The following PDE1B variants were observed in gnomAD, a reference collection of about 807,000 sequenced individuals.
PDE1B encodes phosphodiesterase 1B.
A neutral mutation model predicts 66.7 loss-of-function variants in PDE1B; 13 were observed. The ratio of observed to expected loss-of-function variants is 0.19; its 90% CI spans 0.13 to 0.31. The LOEUF (loss-of-function observed/expected upper bound fraction) is 0.31. PDE1B is among the 10% of genes least tolerant of loss of function. PDE1B has a pLI of 1.00. For synonymous variants in PDE1B, 230 were observed against 253.9 expected (o/e 0.91, Z 0.90); for missense variants, 485 against 682.3 (o/e 0.71, Z 3.22).
rs1392744935 is a variant in PDE1B at position 54,569,219 on chromosome 12, T to A, written c.263T>A (p.Leu88Gln). 1 of 1,611,626 alleles carries A rather than the reference T, an allele frequency of 6.2e-7. No homozygotes were observed. The highest frequency in any genetic ancestry group is 1.1e-5 in the South Asian group (1 of 90,850). ...ILDTEDELQELRSDAVPSEVR... is the reference protein window; with the variant it reads ...ILDTEDELQEQRSDAVPSEVR... ...GACACGGAGGACGAGCTGCAGGAGCTGCGGTCAGATGCCGTGCCTTCGGAG... is the reference window on the plus strand; with the variant it reads ...GACACGGAGGACGAGCTGCAGGAGCAGCGGTCAGATGCCGTGCCTTCGGAG... Residue 88 changes from leucine (L) to glutamine (Q), a missense_variant, in exon 4 of 16, where the codon CTG becomes CAG. Leu to Gln is a moderately radical substitution (Grantham distance 113). This residue lies in a region of PDE1B where 282 missense variants were observed against 453.4 expected (regional missense o/e 0.62). Transcript: ENST00000243052. The surrounding 1 kb of genome is among the most constrained non-coding windows in gnomAD (Gnocchi z 4.4).
rs1445830821 is a variant in PDE1B at position 54,567,074 on chromosome 12, A to G, written c.214A>G (p.Ile72Val). 2 of 1,576,504 alleles carry G rather than the reference A, an allele frequency of 1.3e-6. No individual in the cohort carries two copies. Among genetic ancestry groups the G allele is most frequent in the African/African-American group, 1.3e-5 (1 of 74,218 alleles). ...AGCTTCTCTGCTGGAAGCCGTCTAC[A>G]TAGATGAGACACGGTGAGAGAGACC... ...YTASLLEAVY[I>V]DETRQILDTE... The change falls in exon 3 of 16, where the codon ATA becomes GTA. Residue 72 changes from isoleucine (I) to valine (V), a missense_variant. Ile to Val is a conservative substitution (Grantham distance 29, BLOSUM62 3). Around this residue, in one of 4 missense-constraint regions of PDE1B, gnomAD observed 282 missense variants for 453.4 expected, o/e 0.62. Transcript: ENST00000243052.
chr12:54,573,086 G>T lies in PDE1B; in HGVS notation c.736-62G>T. On this transcript the variant is annotated intron_variant, in intron 7 of 15. Transcript: ENST00000243052. The surrounding 1 kb of genome is among the most constrained non-coding windows in gnomAD (Gnocchi z 5.2). Reference sequence around the variant, plus strand: ...ATGAGTGATCTAGCCTGTGTGTGGAGGTTCCTGGGAAGTGACCAGCAGGCG... The same window carrying T: ...ATGAGTGATCTAGCCTGTGTGTGGATGTTCCTGGGAAGTGACCAGCAGGCG... 8.4e-7 allele frequency: 1 copy of T among 1,195,698 alleles called. No individual in the cohort carries two copies. Among genetic ancestry groups the T allele is most frequent in the South Asian group, 1.2e-5 (1 of 82,036 alleles). 74.1% of individuals were successfully genotyped at this position (1,195,698 alleles called of 1,614,324 possible). A position where few individuals can be genotyped will look rare whatever the true frequency, so the allele number is the denominator to read the frequency against.
Position 54,573,289 on chromosome 12 carries a change from G to A in PDE1B, c.836+41G>A, listed in dbSNP as rs199755196. 6.6e-5 allele frequency: 107 copies of A among 1,613,122 alleles called. No individual in the cohort carries two copies. In the East Asian group the frequency reaches 1.9e-3, roughly 29 times the overall value. On this transcript the variant is annotated intron_variant, in intron 8 of 15. Coordinates refer to ENST00000243052, the MANE Select transcript of PDE1B (RefSeq NM_000924.4). The surrounding 1 kb of genome is among the most constrained non-coding windows in gnomAD (Gnocchi z 5.2). The stretch of plus-strand genomic sequence containing the variant: ...GTGGCAGGGGCAGGAGGGGCCAAGA[G>A]GAGGTGGGGAGGTTGCCGGAGTCCC...
At chr12:54,572,819 T>C in intron 7 of PDE1B, 78 bp downstream of exon 7, 2 of 1,384,472 alleles carry the variant, frequency 1.4e-6, no homozygotes, top group Non-Finnish European at 2.0e-6. Flanking sequence ...TGTACTCCCA[T>C]TTCCATTTCT....
chr12:54,577,049 G>GTTC (rs1201173433), intron 14 of PDE1B, 176 bp from the exon 15 acceptor site: 3 of 646,198 alleles, frequency 4.6e-6, no homozygotes, highest in Non-Finnish European at 8.0e-6. Context: ...GGTGTTGAGG[G>GTTC]TTCTGAGTTT....
At position 54,573,295 on chromosome 12, in the gene PDE1B, G is replaced by A; in HGVS notation, c.836+47G>A. 4 of 1,613,158 alleles carry A rather than the reference G, an allele frequency of 2.5e-6. No individual in the cohort carries two copies. Among genetic ancestry groups the A allele is most frequent in the Non-Finnish European group, 3.4e-6 (4 of 1,179,138 alleles). The stretch of plus-strand genomic sequence containing the variant: ...GGGGCAGGAGGGGCCAAGAGGAGGT[G>A]GGGAGGTTGCCGGAGTCCCTCCTTA... On this transcript the variant is annotated intron_variant, in intron 8 of 15. Coordinates refer to ENST00000243052, the MANE Select transcript of PDE1B (RefSeq NM_000924.4). This position sits in a 1 kb window ranked among gnomAD's most constrained non-coding sequence, Gnocchi z 5.2.
intron 2 of PDE1B, among the ~76,000 whole-genome samples, chr12:54,562,778 T>C (rs1213862859): frequency 6.6e-6 from 1 of 152,230 alleles, no homozygotes; most frequent in Non-Finnish European, 1.5e-5. Flanking sequence ...TGCTTTCAGC[T>C]GCTTGAGTCC....
chr12:54,568,368 G>T (rs1339104095), intron 3 of PDE1B, among the ~76,000 whole-genome samples: 1 of 151,718 alleles, frequency 6.6e-6, no homozygotes, highest in African/African-American at 2.4e-5. Flanking sequence ...AGGCTGAGGG[G>T]GGAGGATCAC....
chr12:54,562,179 C>T (rs1054114703), intron 2 of PDE1B, among the ~76,000 whole-genome samples: 2 of 152,086 alleles, frequency 1.3e-5, no homozygotes, highest in South Asian at 2.1e-4. Context: ...GTGCTGGAAG[C>T]GGAGGCAGGG....
chr12:54,561,571 A>C, intron 2 of PDE1B: 1 of 1,518,208 alleles, frequency 6.6e-7, no homozygotes, highest in Non-Finnish European at 8.8e-7. Context: ...CTGAAGCAGG[A>C]AACTTTGATT....
At chr12:54,560,185 CA>C in intron 2 of PDE1B, among the ~76,000 whole-genome samples, 1 of 152,328 alleles carries the variant, frequency 6.6e-6, no homozygotes, top group Non-Finnish European at 1.5e-5. Context: ...AGCCCACTTC[CA>C]CTTGTCCCAG....
chr12:54,573,318 T>C lies in PDE1B; in HGVS notation c.837-37T>C. ...GTGGGGAGGTTGCCGGAGTCCCTCC[T>C]TACAGGGGGTGGTCATGATGACCTT... On this transcript the variant is annotated intron_variant, in intron 8 of 15. Coordinates refer to ENST00000243052, the MANE Select transcript of PDE1B (RefSeq NM_000924.4). This position sits in a 1 kb window ranked among gnomAD's most constrained non-coding sequence, Gnocchi z 5.2. 2 of 1,613,970 alleles carry C rather than the reference T, an allele frequency of 1.2e-6. No individual in the cohort carries two copies. The highest frequency in any genetic ancestry group is 1.3e-5 in the African/African-American group (1 of 75,020).
rs1957666032 is a variant in PDE1B, at chr12:54,573,848, T to C, written c.1064+139T>C. 2 of 670,628 alleles carry C rather than the reference T, an allele frequency of 3.0e-6. No homozygotes were observed. Among genetic ancestry groups the C allele is most frequent in the Non-Finnish European group, 2.7e-6 (1 of 373,230 alleles). 41.5% of individuals were successfully genotyped at this position (670,628 alleles called of 1,614,324 possible). On this transcript the variant is annotated intron_variant, in intron 10 of 15. Transcript: ENST00000243052. This position sits in a 1 kb window ranked among gnomAD's most constrained non-coding sequence, Gnocchi z 5.2. ...CACTGGCTTCAGGTATCAGACTGCA[T>C]CTCTATGTGAGAGAGAGAGAGAGTG...
At position 54,575,534 on chromosome 12, in the gene PDE1B, C is replaced by A; in HGVS notation, c.1186-17C>A. The A allele has an allele frequency of 6.3e-7, 1 of 1,591,642 alleles. No individual in the cohort carries two copies. Among genetic ancestry groups the A allele is most frequent in the Non-Finnish European group, 8.6e-7 (1 of 1,159,654 alleles). On this transcript the variant is annotated splice_polypyrimidine_tract_variant and intron_variant, in intron 11 of 15. Coordinates refer to ENST00000243052, the MANE Select transcript of PDE1B (RefSeq NM_000924.4). The surrounding 1 kb of genome is among the most constrained non-coding windows in gnomAD (Gnocchi z 4.0). ...GAGGTATCCTCTCCAGCTTTCCTAC[C>A]CTGTTCCCTCCTCTAGGGTGACAAG...
chr12:54,570,342 C>A lies in PDE1B; in HGVS notation c.579C>A (p.Leu193=). The A allele has an allele frequency of 6.2e-7, 1 of 1,605,656 alleles. No homozygotes were observed. The highest frequency in any genetic ancestry group is 8.5e-7 in the Non-Finnish European group (1 of 1,172,316). ...TTGAGTTGCTGACTCGGCATAACCT[C>A]ATCAGCCGCTTCAAGGTTGGGCAGC... ...IVFELLTRHN[L]ISRFKIPTVF... The change falls in exon 6 of 16, where the codon CTC becomes CTA. Residue 193 remains leucine, a synonymous_variant. Coordinates refer to ENST00000243052, the MANE Select transcript of PDE1B (RefSeq NM_000924.4).
chr12:54,577,247 T>A lies in PDE1B; in HGVS notation c.1530T>A (p.Ile510=). ...CAGGCATCACCAACCAGATGTCCAT[T>A]GACGAGCTGTCCCCCTGTGAAGAAG... The part of the protein sequence containing the change: ...AASGITNQMS[I]DELSPCEEEA... The change falls in exon 15 of 16, where the codon ATT becomes ATA. Residue 510 remains isoleucine, a synonymous_variant. Transcript: ENST00000243052. The A allele has an allele frequency of 5.0e-6, 8 of 1,614,014 alleles. No individual in the cohort carries two copies. The highest frequency in any genetic ancestry group is 6.8e-6 in the Non-Finnish European group (8 of 1,179,950).
At chr12:54,564,380 C>A (rs7953703) in intron 2 of PDE1B, among the ~76,000 whole-genome samples, 1 of 151,050 alleles carries the variant, frequency 6.6e-6, no homozygotes, top group Admixed American at 6.6e-5. Flanking sequence ...GTCTGTAATC[C>A]CAGCACTTTG....
chr12:54,559,578 T>TAAATAATA (rs1555174227), intron 2 of PDE1B, among the ~76,000 whole-genome samples: 1 of 151,782 alleles, frequency 6.6e-6, no homozygotes, highest in Non-Finnish European at 1.5e-5. Context: ...TTAGGAAGAG[T>TAAATAATA]AAATAATAAT....
chr12:54,550,086 CTT>C (rs1957253678), intron 2 of PDE1B, 101 bp downstream of exon 2: 1 of 1,489,956 alleles, frequency 6.7e-7, no homozygotes, highest in African/African-American at 1.4e-5. Context: ...GGTAGATTCT[CTT>C]TGGCACAGAT....
Sources: gnomAD v4.1 joint callset for allele counts (sites outside exome capture counted in the v4.1 genomes callset) on GRCh38, gnomAD v4.1.1 for gene constraint, gnomAD v4.1.1 regional missense constraint, Gnocchi (gnomAD v3.1) non-coding constraint, MANE v1.5 for transcripts, NCBI Gene and HGNC (gene_info 2026-07-23, HGNC 2026-07-21) for gene names.